Variants in COMMD10 observed in about 807,000 individuals in gnomAD.
COMMD10 encodes the protein COMM domain-containing protein 10.
A neutral mutation model predicts 28.9 loss-of-function variants in COMMD10; 33 were observed. The observed-to-expected ratio is 1.14, with a 90% CI of 0.87 to 1.53. COMMD10 has a LOEUF of 1.53. Ranked by LOEUF, COMMD10 falls within the 40% of genes most tolerant of loss-of-function variation. The pLI, the probability that COMMD10 is intolerant of heterozygous loss-of-function variation, is 0.00. For missense variants in COMMD10, 310 were observed against 233.4 expected, an observed-to-expected ratio of 1.33 and a Z score of -2.14; for synonymous variants, 110 against 81.7, an observed-to-expected ratio of 1.35 and a Z score of -1.87.
At chr5:116,128,078 C>T (rs933037563) in intron 4 of COMMD10, among the ~76,000 whole-genome samples, 13 of 152,008 alleles carry the variant, frequency 8.6e-5, no homozygotes, top group Non-Finnish European at 1.9e-4. Context: ...AACTTTAATG[C>T]TGCTGTTTTT....
intron 5 of COMMD10, among the ~76,000 whole-genome samples, chr5:116,285,496 A>G (rs771439092): frequency 1.3e-5 from 2 of 151,924 alleles, no homozygotes; most frequent in African/African-American, 2.4e-5. Flanking sequence ...GACATGAAAC[A>G]CTTACCACTG....
chr5:116,090,275 A>G (rs1180760233), intron 2 of COMMD10, among the ~76,000 whole-genome samples: 2 of 152,200 alleles, frequency 1.3e-5, no homozygotes, highest in South Asian at 2.1e-4. Flanking sequence ...GTTTGTTACA[A>G]TGTGTGGAGG....
chr5:116,110,185 G>A (rs1037594402), intron 4 of COMMD10, among the ~76,000 whole-genome samples: 6 of 152,102 alleles, frequency 3.9e-5, no homozygotes, highest in Non-Finnish European at 7.4e-5. Context: ...ATTGACTTGT[G>A]TATTTTGAAC....
chr5:116,197,486 A>AT (rs1748558632), intron 5 of COMMD10, among the ~76,000 whole-genome samples: 1 of 151,980 alleles, frequency 6.6e-6, no homozygotes, highest in Non-Finnish European at 1.5e-5. Context: ...GGCTCAAGTG[A>AT]TTCACCCACC....
At chr5:116,213,158 A>G (rs946408150) in intron 5 of COMMD10, among the ~76,000 whole-genome samples, 1 of 152,092 alleles carries the variant, frequency 6.6e-6, no homozygotes, top group African/African-American at 2.4e-5. Flanking sequence ...GGGTATGAAA[A>G]AACAGTCTTC....
intron 5 of COMMD10, among the ~76,000 whole-genome samples, chr5:116,160,344 G>A (rs1482555559): frequency 6.6e-6 from 1 of 152,124 alleles, no homozygotes; most frequent in Non-Finnish European, 1.5e-5. Context: ...TAATGAATTT[G>A]TTCCTGCATT....
intron 5 of COMMD10, among the ~76,000 whole-genome samples, chr5:116,234,713 C>T (rs76679371): frequency 0.013 from 2,017 of 152,100 alleles, 55 homozygotes; most frequent in African/African-American, 0.046. Context: ...TAGGAACTTC[C>T]GAAAAAATAG....
chr5:116,270,047 T>TAA (rs11376461), intron 5 of COMMD10, among the ~76,000 whole-genome samples: 5 of 151,586 alleles, frequency 3.3e-5, no homozygotes, highest in East Asian at 3.9e-4. Context: ...GGACAGCATT[T>TAA]AAAAAAATAT....
At chr5:116,224,570 G>T (rs532925872) in intron 5 of COMMD10, among the ~76,000 whole-genome samples, 1 of 152,068 alleles carries the variant, frequency 6.6e-6, no homozygotes. Flanking sequence ...CCGGGGCCGC[G>T]GTGCCGCACT....
At chr5:116,261,589 G>A (rs1298725940) in intron 5 of COMMD10, among the ~76,000 whole-genome samples, 3 of 151,604 alleles carry the variant, frequency 2.0e-5, no homozygotes, top group African/African-American at 7.3e-5. Flanking sequence ...CATCTTTCTG[G>A]TTATTATTGA....
chr5:116,093,298 C>A (rs1750358927), intron 4 of COMMD10, among the ~76,000 whole-genome samples: 1 of 152,158 alleles, frequency 6.6e-6, no homozygotes, highest in Non-Finnish European at 1.5e-5. Flanking sequence ...TAGGTAATCA[C>A]ACTGTAAATA....
chr5:116,284,344 G>A (rs528452143), intron 5 of COMMD10, among the ~76,000 whole-genome samples: 1 of 150,870 alleles, frequency 6.6e-6, no homozygotes, highest in Admixed American at 6.6e-5. Context: ...GTGTATGTAT[G>A]TGTGTGTGTG....
chr5:116,198,919 C>T (rs1748594624), intron 5 of COMMD10, among the ~76,000 whole-genome samples: 1 of 152,164 alleles, frequency 6.6e-6, no homozygotes, highest in South Asian at 2.1e-4. Context: ...GCTGTACCAT[C>T]CATGTGCAAA....
At chr5:116,261,761 G>C (rs1750452980) in intron 5 of COMMD10, among the ~76,000 whole-genome samples, 1 of 151,550 alleles carries the variant, frequency 6.6e-6, no homozygotes, top group Admixed American at 6.6e-5. Context: ...AACTTAAACT[G>C]TTCTTTTTGA....
At chr5:116,251,359 G>A (rs1228311581) in intron 5 of COMMD10, among the ~76,000 whole-genome samples, 3 of 147,006 alleles carry the variant, frequency 2.0e-5, no homozygotes, top group African/African-American at 2.5e-5. Flanking sequence ...AGTTACATAC[G>A]TATACATGTG....
intron 4 of COMMD10, among the ~76,000 whole-genome samples, chr5:116,128,964 T>G (rs1751759259): frequency 6.6e-6 from 1 of 151,944 alleles, no homozygotes; most frequent in African/African-American, 2.4e-5. Flanking sequence ...AATGTTAATT[T>G]TGATCCCTTG....
chr5:116,092,279 G>T (rs1294564209), intron 3 of COMMD10, among the ~76,000 whole-genome samples: 2 of 151,940 alleles, frequency 1.3e-5, no homozygotes, highest in African/African-American at 4.8e-5. Context: ...GAAGTTTTTT[G>T]GTTTTTAAGT....
chr5:116,117,488 G>A (rs923062322), intron 4 of COMMD10, among the ~76,000 whole-genome samples: 1 of 152,042 alleles, frequency 6.6e-6, no homozygotes, highest in African/African-American at 2.4e-5. Context: ...TTGAGGTAGG[G>A]TCTCGCTCTG....
chr5:116,255,330 A>G lies in COMMD10; in HGVS notation c.511-36187A>G, dbSNP rs189042430. On this transcript the variant is annotated intron_variant, in intron 5 of 6. Coordinates refer to ENST00000274458, the MANE Select transcript of COMMD10 (RefSeq NM_016144.4). ...GTTAATAGTGTTATGTGTGAATTTGATCCTGTCATTATGATGTTAGCTGGT... is the reference window on the plus strand; with the variant it reads ...GTTAATAGTGTTATGTGTGAATTTGGTCCTGTCATTATGATGTTAGCTGGT... 1.9e-3 allele frequency among the ~76,000 whole-genome samples: 287 copies of G among 151,212 alleles called. 7 individuals carry two copies. Among genetic ancestry groups the G allele is most frequent in the African/African-American group, 6.9e-3 (281 of 40,960 alleles).
Sources: allele counts gnomAD v4.1 joint callset (sites outside exome capture counted in the v4.1 genomes callset), GRCh38; gene constraint gnomAD v4.1.1; transcripts MANE v1.5; gene names NCBI Gene and HGNC (gene_info 2026-07-23, HGNC 2026-07-21).